The following PLEKHG7 variants were observed in gnomAD, a reference collection of about 807,000 sequenced individuals.
The protein encoded by PLEKHG7 is pleckstrin homology and RhoGEF domain containing G7.
Under a neutral mutation model 85.2 loss-of-function variants are expected in PLEKHG7, and 77 were observed. The ratio of observed to expected loss-of-function variants is 0.90; its 90% confidence interval spans 0.75 to 1.09. PLEKHG7 has a LOEUF of 1.09. PLEKHG7 is among the 50% of genes least tolerant of loss of function. The pLI is 0.00. For missense variants in PLEKHG7, 777 were observed against 804.3 expected (o/e 0.97, Z 0.41); for synonymous variants, 301 against 302.4 (o/e 1.00, Z 0.05).
Position 92,731,168 on chromosome 12 carries a change from C to T in PLEKHG7, c.659-1065C>T, listed in dbSNP as rs12318678. On this transcript the variant is annotated intron_variant, in intron 4 of 16. Coordinates refer to ENST00000344636, the MANE Select transcript of PLEKHG7 (RefSeq NM_001377329.1). The stretch of plus-strand genomic sequence containing the variant: ...AGAGAAATTGGCCAAGGATCAGGGA[C>T]CCCAATTATTGCAGTTCAAATTGGA... Among the ~76,000 whole-genome samples the T allele has an allele frequency of 1.8e-3, 281 of 152,256 alleles. 2 individuals are homozygous for T. The highest frequency in any genetic ancestry group is 6.6e-3 in the African/African-American group (276 of 41,538).
intron 3 of PLEKHG7, chr12:92,721,643 A>G (rs1871645476): frequency 1.6e-6 from 1 of 631,970 alleles, no homozygotes; most frequent in African/African-American, 2.1e-5. Context: ...CAGTTATACA[A>G]CCTTCTGGGT....
intron 1 of PLEKHG7, among the ~76,000 whole-genome samples, chr12:92,704,992 C>T (rs1871191472): frequency 6.6e-6 from 1 of 152,178 alleles, no homozygotes; most frequent in South Asian, 2.1e-4. Flanking sequence ...TTGAGCTCCT[C>T]CTCTACTGAT....
intron 13 of PLEKHG7, 94 bp from the exon 14 acceptor site, chr12:92,761,653 AGAAAG>A: frequency 8.4e-7 from 1 of 1,191,140 alleles, no homozygotes; most frequent in South Asian, 1.9e-5. Context: ...AAAGAAAGAA[AGAAAG>A]AAAGAAAGAA....
intron 11 of PLEKHG7, among the ~76,000 whole-genome samples, chr12:92,754,534 G>A (rs947700640): frequency 3.3e-5 from 5 of 152,166 alleles, no homozygotes; most frequent in Non-Finnish European, 7.3e-5. Flanking sequence ...GTTCAGGCAG[G>A]AAAAGTTCTA....
At chr12:92,763,136 C>T (rs753166570) in intron 14 of PLEKHG7, among the ~76,000 whole-genome samples, 9 of 152,048 alleles carry the variant, frequency 5.9e-5, no homozygotes, top group Non-Finnish European at 1.0e-4. Context: ...GCTGATATTC[C>T]GGTTTTATGC....
At chr12:92,707,264 G>A (rs1592670879) in intron 2 of PLEKHG7, 126 bp downstream of exon 2, 3 of 1,443,120 alleles carry the variant, frequency 2.1e-6, no homozygotes, top group Non-Finnish European at 2.7e-6. Context: ...AAGTCACACT[G>A]AGGGGACACA....
intron 10 of PLEKHG7, among the ~76,000 whole-genome samples, chr12:92,752,093 G>C (rs1872707873): frequency 6.6e-6 from 1 of 151,800 alleles, no homozygotes; most frequent in Non-Finnish European, 1.5e-5. Context: ...CCAAGGACAT[G>C]GTCAAGCTAT....
At position 92,718,624 on chromosome 12, in the gene PLEKHG7, C is replaced by T. The variant is rs192028955; in HGVS notation, c.531-10369C>T. Among the ~76,000 whole-genome samples the T allele has an allele frequency of 7.6e-4, 115 of 152,310 alleles. No homozygotes were observed. The Middle Eastern group carries it at 0.01, about 14-fold the overall frequency. On this transcript the variant is annotated intron_variant, in intron 3 of 16. Coordinates refer to ENST00000344636, the MANE Select transcript of PLEKHG7 (RefSeq NM_001377329.1). ...CCTTTTGTTTCGTGTATTTTCTCCT[C>T]CAACTATTTATCTGACTCCCTCCAG... is the stretch of plus-strand genomic sequence containing the variant.
At chr12:92,759,980 G>T (rs1476915578) in intron 13 of PLEKHG7, among the ~76,000 whole-genome samples, 1 of 152,204 alleles carries the variant, frequency 6.6e-6, no homozygotes, top group Non-Finnish European at 1.5e-5. Context: ...GATTCCTGCT[G>T]TCTTATTCCC....
intron 3 of PLEKHG7, among the ~76,000 whole-genome samples, chr12:92,722,270 C>T (rs1871670736): frequency 6.6e-6 from 1 of 152,094 alleles, no homozygotes. Flanking sequence ...AGTCCACTGC[C>T]AGGCATGGAA....
chr12:92,759,792 AT>A (rs1204707687), intron 13 of PLEKHG7, among the ~76,000 whole-genome samples: 1 of 152,218 alleles, frequency 6.6e-6, no homozygotes, highest in Non-Finnish European at 1.5e-5. Context: ...GTATTTTGCT[AT>A]GGCAGGCTCA....
intron 15 of PLEKHG7, 124 bp from the exon 16 acceptor site, chr12:92,768,859 T>C (rs1478650178): frequency 1.6e-6 from 1 of 620,660 alleles, no homozygotes; most frequent in Non-Finnish European, 2.7e-6. Context: ...TAGATAAACC[T>C]CCCACCCTCG....
chr12:92,761,802 T>A lies in PLEKHG7; in HGVS notation c.1687T>A (p.Leu563Ile). The A allele has an allele frequency of 1.3e-6, 2 of 1,578,148 alleles. No individual in the cohort carries two copies. The highest frequency in any genetic ancestry group is 1.7e-6 in the Non-Finnish European group (2 of 1,167,752). Reference sequence around the variant, plus strand: ...TCTGTTTCTCTTCAATGATTTCCTCTTAGTTACGAAAACTAAGTGCAACAA... The same window carrying A: ...TCTGTTTCTCTTCAATGATTTCCTCATAGTTACGAAAACTAAGTGCAACAA... ...VYLFLFNDFL[L>I]VTKTKCNKKK... The change falls in exon 14 of 17, where the codon TTA becomes ATA. Residue 563 changes from leucine to isoleucine, a missense_variant. Physicochemically the swap from Leu to Ile is conservative, Grantham distance 5. Transcript: ENST00000344636.
At chr12:92,708,464 ATACT>A (rs1385704369) in intron 3 of PLEKHG7, 9 of 152,246 alleles carry the variant, frequency 5.9e-5, no homozygotes, top group Non-Finnish European at 1.3e-4. Flanking sequence ...AAGGTAGAAG[ATACT>A]TACCAAGCCA....
intron 13 of PLEKHG7, among the ~76,000 whole-genome samples, chr12:92,757,228 C>T (rs553041811): frequency 8.5e-5 from 13 of 152,310 alleles, no homozygotes; most frequent in African/African-American, 3.1e-4. Context: ...ATTAAATGAA[C>T]CAACGGATGT....
intron 3 of PLEKHG7, chr12:92,721,434 G>A (rs947057269): frequency 2.0e-5 from 25 of 1,227,602 alleles, no homozygotes; most frequent in Middle Eastern, 3.1e-4. Context: ...ATAAGGAGAC[G>A]TTCTGGTACC....
At chr12:92,761,630 GAAAGAAAGAAAGAAAGAAAGA>G (rs1873011735) in intron 13 of PLEKHG7, 101 bp from the exon 14 acceptor site, 7 of 135,216 alleles carry the variant, frequency 5.2e-5, no homozygotes, top group Middle Eastern at 2.5e-3. Flanking sequence ...AAAGAAGAAA[GAAAGAAAGAAAGAAAGAAAGA>G]AAGAAAGAAA....
chr12:92,743,457 A>G (rs994013318), intron 9 of PLEKHG7, among the ~76,000 whole-genome samples: 2 of 151,994 alleles, frequency 1.3e-5, no homozygotes, highest in African/African-American at 4.8e-5. Context: ...TGAGATAGAA[A>G]CTGAGGCTTA....
chr12:92,713,394 C>T (rs561214060), intron 3 of PLEKHG7, among the ~76,000 whole-genome samples: 2 of 152,286 alleles, frequency 1.3e-5, no homozygotes, highest in East Asian at 3.9e-4. Flanking sequence ...TTAGCCAGTG[C>T]CAGCACTCTA....
Sources: allele counts gnomAD v4.1 joint callset (sites outside exome capture counted in the v4.1 genomes callset), GRCh38; gene constraint gnomAD v4.1.1; transcripts MANE v1.5; gene names NCBI Gene and HGNC (gene_info 2026-07-23, HGNC 2026-07-21).